The following SMARCA2 variants were observed in gnomAD, a reference collection of about 807,000 sequenced individuals.
SMARCA2 encodes SWI/SNF related BAF chromatin remodeling complex subunit ATPase 2, also known as SWI/SNF-related matrix-associated actin-dependent regulator of chromatin subfamily A member 2.
Under a neutral mutation model 199.8 loss-of-function variants are expected in SMARCA2, and 61 were observed. That is an observed-to-expected ratio of 0.31 (90% CI 0.25 to 0.38). The LOEUF (loss-of-function observed/expected upper bound fraction) is 0.38. Ranked by LOEUF, SMARCA2 falls within the 10% of genes least tolerant of loss-of-function variation. SMARCA2 has a pLI of 1.00. For synonymous variants in SMARCA2, 935 were observed against 732.0 expected (o/e 1.28, Z -4.48); for missense variants, 1,344 against 2,012.2 (o/e 0.67, Z 6.35).
chr9:2,120,202 C>T (rs947004047), intron 26 of SMARCA2, among the ~76,000 whole-genome samples: 2 of 152,208 alleles, frequency 1.3e-5, no homozygotes, highest in African/African-American at 4.8e-5. Context: ...TCATCAAAGA[C>T]TGATTACAGA....
At chr9:2,185,948 G>A in intron 31 of SMARCA2, 148 bp from the exon 32 acceptor site, 2 of 734,428 alleles carry the variant, frequency 2.7e-6, no homozygotes, top group Non-Finnish European at 4.5e-6. Flanking sequence ...TTGGCGTTTT[G>A]CTACTGGGTT....
intron 2 of SMARCA2, among the ~76,000 whole-genome samples, chr9:2,029,554 A>G (rs767195775): frequency 6.6e-5 from 10 of 152,156 alleles, no homozygotes; most frequent in Non-Finnish European, 1.0e-4. Context: ...ACATTAGTCT[A>G]TAAGTCTTAT....
At chr9:2,101,537 TA>T in intron 21 of SMARCA2, 32 bp from the exon 22 acceptor site, 1 of 1,230,138 alleles carries the variant, frequency 8.1e-7, no homozygotes, top group Non-Finnish European at 1.2e-6. Flanking sequence ...TTACATTTTT[TA>T]AAATCATTCT....
intron 5 of SMARCA2, among the ~76,000 whole-genome samples, chr9:2,050,180 A>G (rs1319611705): frequency 3.3e-5 from 5 of 152,174 alleles, no homozygotes; most frequent in African/African-American, 9.7e-5. Context: ...GCCTATGAGC[A>G]CTTTGCTGCA....
At chr9:2,048,320 T>A (rs1195204755) in intron 5 of SMARCA2, among the ~76,000 whole-genome samples, 1 of 152,212 alleles carries the variant, frequency 6.6e-6, no homozygotes, top group African/African-American at 2.4e-5. Flanking sequence ...GCATACTGTG[T>A]CATCAGTAAC....
chr9:2,125,986 T>G (rs988981300), intron 27 of SMARCA2, among the ~76,000 whole-genome samples: 1 of 152,262 alleles, frequency 6.6e-6, no homozygotes, highest in Admixed American at 6.5e-5. Context: ...TTTCTCTTTT[T>G]CATTCAGTTT....
chr9:2,192,818 A>ATATAGGCACTGGGT lies in SMARCA2; in HGVS notation c.*81_*94dup. ...TTTCTACCCAGTGAGTTCATTTGTC[A>ATATAGGCACTGGGT]TATAGGCACTGGGTTGTTTCTATAT... is the stretch of plus-strand genomic sequence containing the variant. On this transcript the variant is annotated 3_prime_UTR_variant, in exon 34 of 34. Coordinates refer to ENST00000349721, the MANE Select transcript of SMARCA2 (RefSeq NM_003070.5). The ATATAGGCACTGGGT allele has an allele frequency of 1.9e-6, 2 of 1,026,096 alleles. No homozygotes were observed. Among genetic ancestry groups the ATATAGGCACTGGGT allele is most frequent in the Non-Finnish European group, 3.1e-6 (2 of 648,514 alleles). 63.6% of individuals were successfully genotyped at this position (1,026,096 alleles called of 1,614,324 possible). A position where few individuals can be genotyped will look rare whatever the true frequency, so the allele number is the denominator to read the frequency against.
chr9:2,189,607 G>T (rs572939572), intron 32 of SMARCA2, among the ~76,000 whole-genome samples: 2 of 151,970 alleles, frequency 1.3e-5, no homozygotes, highest in African/African-American at 4.8e-5. Context: ...GTTTTCATTA[G>T]TAGGTAGGCC....
At chr9:2,052,308 T>A (rs1820155065) in intron 5 of SMARCA2, among the ~76,000 whole-genome samples, 1 of 152,150 alleles carries the variant, frequency 6.6e-6, no homozygotes, top group Non-Finnish European at 1.5e-5. Flanking sequence ...ACCCCGTCTC[T>A]ACTAAAAATA....
chr9:2,186,929 C>T (rs1179513386), intron 32 of SMARCA2, among the ~76,000 whole-genome samples: 2 of 152,220 alleles, frequency 1.3e-5, no homozygotes, highest in African/African-American at 4.8e-5. Context: ...CACGGTGGTT[C>T]TCAAACCTGG....
At chr9:2,153,731 A>T (rs1450159434) in intron 27 of SMARCA2, among the ~76,000 whole-genome samples, 1 of 152,196 alleles carries the variant, frequency 6.6e-6, no homozygotes, top group Non-Finnish European at 1.5e-5. Context: ...GTGGAACAGT[A>T]ATCCCATTGA....
rs1052595633 is a variant in SMARCA2 at position 2,115,121 on chromosome 9, C to G, written c.3457-701C>G. On this transcript the variant is annotated intron_variant, in intron 24 of 33. Transcript: ENST00000349721. This position sits in a 1 kb window ranked among gnomAD's most constrained non-coding sequence, Gnocchi z 6.0. ...CTTATTTCTAAATCTTTGTGCATAT[C>G]TATGATTATTTGTTTAGGATACATT... is the stretch of plus-strand genomic sequence containing the variant. 6.8e-6 allele frequency among the ~76,000 whole-genome samples: 1 copy of G among 148,046 alleles called. No individual in the cohort carries two copies. Among genetic ancestry groups the G allele is most frequent in the Non-Finnish European group, 1.5e-5 (1 of 67,848 alleles).
intron 13 of SMARCA2, 40 bp from the exon 14 acceptor site, chr9:2,077,589 C>T: frequency 1.9e-6 from 3 of 1,596,714 alleles, no homozygotes; most frequent in South Asian, 1.1e-5. Flanking sequence ...CACATGCACG[C>T]ACATGTCTGT....
intron 27 of SMARCA2, among the ~76,000 whole-genome samples, chr9:2,152,388 T>A (rs1825122951): frequency 6.6e-6 from 1 of 151,698 alleles, no homozygotes; most frequent in African/African-American, 2.4e-5. Flanking sequence ...AGCCCATCTT[T>A]ACTGAAAATA....
rs560606752 is a variant in SMARCA2 at position 2,118,480 on chromosome 9, C to T, written c.3685-978C>T. ...CATACTCTTTCTCTAAAACAAGTTG[C>T]CTCTTTTTGAATATACAGTTTGTGA... On this transcript the variant is annotated intron_variant, in intron 25 of 33. Transcript: ENST00000349721. Among the ~76,000 whole-genome samples the T allele has an allele frequency of 1.2e-4, 18 of 152,244 alleles. No homozygotes were observed. In the South Asian group the frequency reaches 3.5e-3, roughly 30 times the overall value.
Position 2,119,085 on chromosome 9 carries a change from T to A in SMARCA2, c.3685-373T>A, listed in dbSNP as rs1025014682. On this transcript the variant is annotated intron_variant, in intron 25 of 33. Transcript: ENST00000349721. This position sits in a 1 kb window ranked among gnomAD's most constrained non-coding sequence, Gnocchi z 4.6. ...AAAAGAATTAATGTTAGGTACTTTTTCATATGGATGTCCTTATTAAAATCT... is the reference window on the plus strand; with the variant it reads ...AAAAGAATTAATGTTAGGTACTTTTACATATGGATGTCCTTATTAAAATCT... Among the ~76,000 whole-genome samples, 3 of 152,224 alleles carry A rather than the reference T, an allele frequency of 2.0e-5. No individual in the cohort carries two copies. In the South Asian group the frequency reaches 6.2e-4, roughly 31 times the overall value.
rs147233235 is a variant in SMARCA2 at position 2,070,362 on chromosome 9, A to G, written c.1693-56A>G. The G allele has an allele frequency of 7.5e-5, 105 of 1,405,858 alleles. 1 individual carries two copies. The African/African-American group carries it at 1.0e-3, about 14-fold the overall frequency. 87.1% of individuals were successfully genotyped at this position (1,405,858 alleles called of 1,614,324 possible). ...ATTACATACCGGAGAGTTACCAGGA[A>G]GTCCTGTACCCCATCATCTTGGTTA... On this transcript the variant is annotated intron_variant, in intron 9 of 33. Transcript: ENST00000349721.
chr9:2,027,515 C>T (rs1290025485), intron 1 of SMARCA2, among the ~76,000 whole-genome samples: 1 of 152,168 alleles, frequency 6.6e-6, no homozygotes, highest in East Asian at 1.9e-4. Context: ...GAAATTTACT[C>T]TGCAGTTGAT....
intron 27 of SMARCA2, among the ~76,000 whole-genome samples, chr9:2,130,235 C>T (rs998893148): frequency 3.3e-5 from 5 of 152,206 alleles, no homozygotes; most frequent in African/African-American, 1.2e-4. Context: ...CTGTTTCCTC[C>T]ATGGAAGAAG....
Sources: gnomAD v4.1 joint callset for allele counts (sites outside exome capture counted in the v4.1 genomes callset) on GRCh38, gnomAD v4.1.1 for gene constraint, Gnocchi (gnomAD v3.1) non-coding constraint, MANE v1.5 for transcripts, NCBI Gene and HGNC (gene_info 2026-07-23, HGNC 2026-07-21) for gene names.